The following UNC13C variants were observed in gnomAD, a reference collection of about 807,000 sequenced individuals.
UNC13C encodes unc-13 homolog C.
In UNC13C, 174 loss-of-function variants were observed where a neutral mutation model predicts 245.4. The observed-to-expected ratio is 0.71, with a 90% CI of 0.63 to 0.80. The LOEUF (loss-of-function observed/expected upper bound fraction) is 0.80, where lower values mean the gene tolerates loss of function less well. UNC13C is among the 30% of genes least tolerant of loss of function. The pLI is 0.00. For synonymous variants in UNC13C, 992 were observed against 895.1 expected, an observed-to-expected ratio of 1.11 and a Z score of -1.93; for missense variants, 2,829 against 2,602.9, an observed-to-expected ratio of 1.09 and a Z score of -1.89.
intron 1 of UNC13C, among the ~76,000 whole-genome samples, chr15:54,006,927 A>G (rs931848729): frequency 6.6e-5 from 10 of 152,156 alleles, no homozygotes; most frequent in Non-Finnish European, 1.5e-4. Flanking sequence ...CCTCTTGCTC[A>G]GTTGCACCTT....
chr15:54,128,722 G>A (rs1326229953), intron 2 of UNC13C, among the ~76,000 whole-genome samples: 5 of 152,118 alleles, frequency 3.3e-5, no homozygotes, highest in South Asian at 4.1e-4. Flanking sequence ...CTGCCCCCAC[G>A]GACACCCAAG....
chr15:54,177,366 CACAT>C (rs1344634911), intron 4 of UNC13C, among the ~76,000 whole-genome samples: 1 of 152,064 alleles, frequency 6.6e-6, no homozygotes, highest in Non-Finnish European at 1.5e-5. Context: ...TTTTTAAACA[CACAT>C]ACACACAAAT....
At chr15:54,356,950 T>C (rs2039109250) in intron 17 of UNC13C, among the ~76,000 whole-genome samples, 1 of 152,110 alleles carries the variant, frequency 6.6e-6, no homozygotes, top group South Asian at 2.1e-4. Context: ...TGTATTCTGA[T>C]CTATAGGACC....
the UNC13C span, among the ~76,000 whole-genome samples, chr15:53,859,988 C>T: frequency 2.0e-5 from 3 of 152,114 alleles, no homozygotes; most frequent in Admixed American, 6.6e-5. Flanking sequence ...TGTGATTCCC[C>T]CAGTTTTGAT....
chr15:54,383,652 G>T (rs186884593), intron 17 of UNC13C, among the ~76,000 whole-genome samples: 4 of 152,232 alleles, frequency 2.6e-5, no homozygotes, highest in Non-Finnish European at 5.9e-5. Flanking sequence ...GCAACATGGT[G>T]CTGGAAGTCT....
At chr15:54,551,625 C>T (rs1365960378) in intron 28 of UNC13C, among the ~76,000 whole-genome samples, 3 of 152,016 alleles carry the variant, frequency 2.0e-5, no homozygotes, top group Non-Finnish European at 1.5e-5. Context: ...AACCTAAAAG[C>T]ACACTATAAA....
intron 4 of UNC13C, among the ~76,000 whole-genome samples, chr15:54,155,997 A>G (rs754196932): frequency 1.3e-5 from 2 of 152,228 alleles, no homozygotes; most frequent in Non-Finnish European, 2.9e-5. Context: ...AAGATACTAA[A>G]TATATTAACC....
intron 20 of UNC13C, among the ~76,000 whole-genome samples, chr15:54,499,675 C>T (rs1433945636): frequency 2.0e-5 from 3 of 152,050 alleles, no homozygotes; most frequent in Admixed American, 1.3e-4. Flanking sequence ...ACTAAGGAGT[C>T]TGAGGTAAGC....
chr15:54,569,972 T>C (rs1032288774), intron 30 of UNC13C, among the ~76,000 whole-genome samples: 4 of 151,972 alleles, frequency 2.6e-5, no homozygotes, highest in Non-Finnish European at 5.9e-5. Flanking sequence ...CCAAAGGACT[T>C]AGTGTATAAA....
intron 4 of UNC13C, among the ~76,000 whole-genome samples, chr15:54,180,485 A>T (rs529341528): frequency 1.7e-4 from 26 of 152,164 alleles, no homozygotes; most frequent in African/African-American, 6.0e-4. Flanking sequence ...TATTTTTGGT[A>T]GAAAGATTTG....
chr15:54,526,740 GAAAAAAA>G (rs1164016477), intron 25 of UNC13C, among the ~76,000 whole-genome samples: 49 of 63,110 alleles, frequency 7.8e-4, no homozygotes, highest in Middle Eastern at 0.02. Context: ...ACTCCGTCTA[GAAAAAAA>G]AAAAAAAAAA....
chr15:54,048,467 G>A (rs1897135313), intron 2 of UNC13C: 1 of 607,012 alleles, frequency 1.6e-6, no homozygotes, highest in Non-Finnish European at 3.2e-6. Flanking sequence ...AATGAGGCCA[G>A]CCTGAAGAAG....
chr15:54,404,089 T>G (rs2040244038), intron 18 of UNC13C, among the ~76,000 whole-genome samples: 1 of 152,154 alleles, frequency 6.6e-6, no homozygotes, highest in South Asian at 2.1e-4. Context: ...AACAAAGGCT[T>G]AATAAGTTTT....
chr15:53,911,956 A>G, the UNC13C span: 2 of 152,284 alleles, frequency 1.3e-5, no homozygotes, highest in Non-Finnish European at 2.9e-5. Flanking sequence ...TTGCTATGGC[A>G]GCCCTTGGGG....
At chr15:54,117,824 C>A (rs902550504) in intron 2 of UNC13C, among the ~76,000 whole-genome samples, 1 of 152,124 alleles carries the variant, frequency 6.6e-6, no homozygotes, top group Non-Finnish European at 1.5e-5. Context: ...CAAGTGATTT[C>A]CCCGCCTTGG....
intron 2 of UNC13C, among the ~76,000 whole-genome samples, chr15:54,022,273 T>C (rs1895933680): frequency 6.6e-6 from 1 of 152,200 alleles, no homozygotes; most frequent in Admixed American, 6.5e-5. Context: ...TGATCGTCAT[T>C]GAAACAGGTG....
At chr15:54,204,761 T>C (rs568302981) in intron 4 of UNC13C, among the ~76,000 whole-genome samples, 2 of 152,046 alleles carry the variant, frequency 1.3e-5, no homozygotes, top group Admixed American at 1.3e-4. Context: ...AAAAGAATTA[T>C]TATCACAAAA....
At chr15:53,973,027 C>T in the UNC13C span, among the ~76,000 whole-genome samples, 5 of 151,766 alleles carry the variant, frequency 3.3e-5, no homozygotes, top group African/African-American at 4.8e-5. Context: ...TTGAAATTTG[C>T]ATTTGGAAAT....
chr15:53,895,389 T>C, the UNC13C span, among the ~76,000 whole-genome samples: 1 of 149,422 alleles, frequency 6.7e-6, no homozygotes, highest in African/African-American at 2.5e-5. Flanking sequence ...TTTTGTGTCA[T>C]GTAATGGTCT....
Sources: allele counts gnomAD v4.1 joint callset (sites outside exome capture counted in the v4.1 genomes callset), GRCh38; gene constraint gnomAD v4.1.1; transcripts MANE v1.5; gene names NCBI Gene and HGNC (gene_info 2026-07-23, HGNC 2026-07-21).